The following ADGRL2 variants were observed in gnomAD, a reference collection of about 807,000 sequenced individuals.
ADGRL2 encodes the protein adhesion G protein-coupled receptor L2, also known as calcium-independent alpha-latrotoxin receptor 2.
Under a neutral mutation model 157.4 loss-of-function variants are expected in ADGRL2, and 44 were observed. The observed-to-expected ratio is 0.28, with a 90% CI of 0.22 to 0.36. The LOEUF is 0.36. ADGRL2 is among the 10% of genes least tolerant of loss of function. The pLI is 1.00. For synonymous variants in ADGRL2, 585 were observed against 624.7 expected, an observed-to-expected ratio of 0.94 and a Z score of 0.95; for missense variants, 1,510 against 1,768.9, an observed-to-expected ratio of 0.85 and a Z score of 2.63.
chr1:81,549,550 T>A (rs1245477880), intron 2 of ADGRL2, among the ~76,000 whole-genome samples: 1 of 152,220 alleles, frequency 6.6e-6, no homozygotes, highest in Non-Finnish European at 1.5e-5. Flanking sequence ...GAAGTCACCA[T>A]ATTCTTCAAT....
chr1:81,459,363 T>C (rs1317983488), intron 2 of ADGRL2, among the ~76,000 whole-genome samples: 1 of 152,180 alleles, frequency 6.6e-6, no homozygotes, highest in Non-Finnish European at 1.5e-5. Context: ...ACCACCATTC[T>C]ACCCTGCATC....
At position 81,722,441 on chromosome 1, in the gene ADGRL2, G is replaced by A. The variant is rs2084364017; in HGVS notation, c.-143+22633G>A. On this transcript the variant is annotated intron_variant, in intron 1 of 20. Transcript: ENST00000359929. ...CATTAAGCTGAATTTGCGCTTGGCC[G>A]TTTTGTATGCCAAGAGGGCCAGCGT... The A allele has an allele frequency of 2.3e-6, 3 of 1,293,014 alleles. No homozygotes were observed. In the South Asian group the frequency reaches 3.5e-5, roughly 15 times the overall value. The allele number at this position is 1,293,014 out of a possible 1,614,324, so 80.1% of individuals were successfully genotyped here. A position where few individuals can be genotyped will look rare whatever the true frequency, so the allele number is the denominator to read the frequency against.
intron 2 of ADGRL2, among the ~76,000 whole-genome samples, chr1:81,903,267 C>T (rs1226265039): frequency 4.6e-5 from 7 of 152,166 alleles, no homozygotes; most frequent in Non-Finnish European, 1.0e-4. Flanking sequence ...TACATTTCTA[C>T]AAATATGATT....
intron 2 of ADGRL2, among the ~76,000 whole-genome samples, chr1:81,897,916 T>C (rs2094421344): frequency 6.6e-6 from 1 of 152,188 alleles, no homozygotes; most frequent in Non-Finnish European, 1.5e-5. Context: ...TACTTCATTA[T>C]TTAAAATATT....
At chr1:81,642,666 T>C (rs1254911899) in intron 3 of ADGRL2, among the ~76,000 whole-genome samples, 1 of 152,056 alleles carries the variant, frequency 6.6e-6, no homozygotes, top group African/African-American at 2.4e-5. Context: ...TGAACCAAGA[T>C]GCAAAAATCT....
In ADGRL2 at chr1:81,913,048, C is replaced by T. The variant is rs144777454; in HGVS notation, c.287+5818C>T. Among the ~76,000 whole-genome samples, 89 of 152,182 alleles carry T rather than the reference C, an allele frequency of 5.8e-4. No individual in the cohort carries two copies. The South Asian group carries it at 9.5e-3, about 16-fold the overall frequency. ...TAATTAACTTAAGCTCTATAAGCAA[C>T]AAAGCTGATTTCAAAGCTCAGTGTT... is the stretch of plus-strand genomic sequence containing the variant. On this transcript the variant is annotated intron_variant, in intron 3 of 23. Transcript: ENST00000686636.
At chr1:81,627,087 C>CTAT (rs1233707751) in intron 3 of ADGRL2, among the ~76,000 whole-genome samples, 81 of 151,432 alleles carry the variant, frequency 5.3e-4, no homozygotes, top group African/African-American at 1.9e-3. Context: ...TAAATGTTAG[C>CTAT]TATTATTATT....
intron 2 of ADGRL2, among the ~76,000 whole-genome samples, chr1:81,447,444 C>T (rs2077618464): frequency 1.3e-5 from 2 of 152,080 alleles, no homozygotes; most frequent in African/African-American, 4.8e-5. Context: ...ACTTTATTTG[C>T]TCTGATAGTG....
At chr1:81,990,068 A>G (rs1664269961) in intron 23 of ADGRL2, 1 of 985,052 alleles carries the variant, frequency 1.0e-6, no homozygotes, top group African/African-American at 1.7e-5. Flanking sequence ...TAACTATGCA[A>G]GGGCATGGAG....
At position 81,724,906 on chromosome 1, in the gene ADGRL2, A is replaced by AT. The variant is rs960307412; in HGVS notation, c.-143+25099dup. On this transcript the variant is annotated intron_variant, in intron 1 of 20. Transcript: ENST00000359929. ...TATGCTGATGGAGCATGCTTTTAAA[A>AT]TCCTTTAAAAACACCACAGCCGGGC... Among the ~76,000 whole-genome samples, 32 of 152,204 alleles carry AT rather than the reference A, an allele frequency of 2.1e-4. 1 individual carries two copies. The highest frequency in any genetic ancestry group is 7.0e-4 in the African/African-American group (29 of 41,448).
At chr1:81,942,776 T>A (rs1648515861) in intron 5 of ADGRL2, 193 bp from the exon 6 acceptor site, 6 of 639,612 alleles carry the variant, frequency 9.4e-6, no homozygotes, top group Non-Finnish European at 1.7e-5. Context: ...TAAACTTCAG[T>A]TACTTTGTAC....
chr1:81,652,675 T>C (rs2082445706), intron 3 of ADGRL2, among the ~76,000 whole-genome samples: 1 of 152,166 alleles, frequency 6.6e-6, no homozygotes, highest in Admixed American at 6.5e-5. Context: ...CTTTTTATTG[T>C]TAATGTAGCA....
intron 1 of ADGRL2, among the ~76,000 whole-genome samples, chr1:81,338,572 CAAG>C (rs1299294639): frequency 6.6e-6 from 1 of 151,970 alleles, no homozygotes; most frequent in Non-Finnish European, 1.5e-5. Flanking sequence ...AATACGGATC[CAAG>C]AAGGTCTTTT....
chr1:81,411,788 G>A (rs908619200), intron 1 of ADGRL2, among the ~76,000 whole-genome samples: 2 of 151,664 alleles, frequency 1.3e-5, no homozygotes, highest in African/African-American at 2.4e-5. Context: ...GCTGAGGCAG[G>A]AGAATGGCGT....
At chr1:81,990,343 T>G (rs760699524) in intron 23 of ADGRL2, 48 bp from the exon 24 acceptor site, 1 of 1,562,908 alleles carries the variant, frequency 6.4e-7, no homozygotes, top group Non-Finnish European at 8.7e-7. Flanking sequence ...AGAGTTTCTG[T>G]GGAAAGGAAC....
chr1:81,521,940 C>T (rs756379468), intron 2 of ADGRL2, among the ~76,000 whole-genome samples: 1 of 151,194 alleles, frequency 6.6e-6, no homozygotes, highest in South Asian at 2.1e-4. Flanking sequence ...AAATGAGATA[C>T]ATACTTGTAT....
chr1:81,944,478 T>TG (rs1208924090), intron 6 of ADGRL2, among the ~76,000 whole-genome samples: 1 of 152,038 alleles, frequency 6.6e-6, no homozygotes, highest in East Asian at 1.9e-4. Context: ...ATACTTTGGT[T>TG]TATTAAGTGA....
chr1:81,771,463 C>T (rs1335773963), intron 2 of ADGRL2, among the ~76,000 whole-genome samples: 1 of 152,132 alleles, frequency 6.6e-6, no homozygotes, highest in Non-Finnish European at 1.5e-5. Flanking sequence ...ATATCCTTAT[C>T]ATTAACCTTA....
At chr1:81,531,565 C>G (rs1557433517) in intron 2 of ADGRL2, among the ~76,000 whole-genome samples, 1 of 152,132 alleles carries the variant, frequency 6.6e-6, no homozygotes, top group African/African-American at 2.4e-5. Context: ...AGCTGTGAGT[C>G]TCAACTCAGA....
Sources: allele counts gnomAD v4.1 joint callset (sites outside exome capture counted in the v4.1 genomes callset), GRCh38; gene constraint gnomAD v4.1.1; transcripts MANE v1.5; gene names NCBI Gene and HGNC (gene_info 2026-07-23, HGNC 2026-07-21).